ANO6: variants seen among roughly 807,000 people sequenced by gnomAD.
ANO6 encodes anoctamin-6.
ANO6 carries 106 observed loss-of-function variants against 117.5 expected under a neutral mutation model. The ratio of observed to expected loss-of-function variants is 0.90; its 90% CI spans 0.77 to 1.06. The LOEUF (loss-of-function observed/expected upper bound fraction) is 1.06. ANO6 is among the 50% of genes least tolerant of loss of function. The probability of loss-of-function intolerance (pLI) is 0.00; values close to 1 mark genes in which losing one functional copy is unlikely to be tolerated. For synonymous variants in ANO6, 367 were observed against 385.1 expected (o/e 0.95, Z 0.55); for missense variants, 955 against 1,121.1 (o/e 0.85, Z 2.12).
intron 1 of ANO6, among the ~76,000 whole-genome samples, chr12:45,260,771 GT>G (rs1224542356): frequency 6.6e-6 from 1 of 151,848 alleles, no homozygotes; most frequent in Non-Finnish European, 1.5e-5. Flanking sequence ...TGAGTTTTTA[GT>G]TTTATTTTTA....
chr12:45,346,656 G>T (rs1941141024), intron 3 of ANO6, among the ~76,000 whole-genome samples: 1 of 152,190 alleles, frequency 6.6e-6, no homozygotes, highest in South Asian at 2.1e-4. Flanking sequence ...TCGTATCAGT[G>T]AATAGGACTC....
chr12:45,412,188 G>T (rs1943104336), intron 16 of ANO6, among the ~76,000 whole-genome samples: 1 of 152,178 alleles, frequency 6.6e-6, no homozygotes, highest in Admixed American at 6.5e-5. Flanking sequence ...AATAAACGTA[G>T]TTGTCTGTAT....
chr12:45,306,837 G>T (rs571161383), intron 2 of ANO6, among the ~76,000 whole-genome samples: 2 of 151,784 alleles, frequency 1.3e-5, no homozygotes, highest in South Asian at 2.1e-4. Context: ...GTATGTGTTG[G>T]GGGGGTGGTG....
Position 45,326,175 on chromosome 12 carries a change from C to A in ANO6, c.151-5120C>A, listed in dbSNP as rs1254774640. Among the ~76,000 whole-genome samples the A allele has an allele frequency of 3.3e-5, 5 of 152,096 alleles. No individual in the cohort carries two copies. In the East Asian group the frequency reaches 9.7e-4, roughly 29 times the overall value. ...AGAGTTTAACACAGGCAAATGGAAA[C>A]AGAGGTAAAATCAGGAAGCCATTGA... On this transcript the variant is annotated intron_variant, in intron 2 of 19. Coordinates refer to ENST00000320560, the MANE Select transcript of ANO6 (RefSeq NM_001025356.3).
At chr12:45,323,935 A>ATTTTTTTT (rs761870704) in intron 2 of ANO6, among the ~76,000 whole-genome samples, 1 of 108,326 alleles carries the variant, frequency 9.2e-6, no homozygotes, top group African/African-American at 3.5e-5. Context: ...TTGTTGTTGT[A>ATTTTTTTT]TTTTTTTTTT....
chr12:45,377,708 C>G (rs1421520572), intron 9 of ANO6, among the ~76,000 whole-genome samples: 2 of 152,188 alleles, frequency 1.3e-5, no homozygotes, highest in Non-Finnish European at 2.9e-5. Context: ...ACTGCTTCCT[C>G]AAATCCATTA....
intron 2 of ANO6, among the ~76,000 whole-genome samples, chr12:45,319,740 C>G (rs1341587437): frequency 1.3e-5 from 2 of 152,172 alleles, no homozygotes; most frequent in African/African-American, 4.8e-5. Flanking sequence ...GTGAATCCAT[C>G]TGGTCCTGGA....
chr12:45,315,048 A>G (rs1386251478), intron 2 of ANO6, among the ~76,000 whole-genome samples: 4 of 152,016 alleles, frequency 2.6e-5, no homozygotes, highest in Admixed American at 6.6e-5. Context: ...GAAATGTTGG[A>G]CTAAAGAGTT....
chr12:45,280,315 A>G (rs1283027079), intron 1 of ANO6, among the ~76,000 whole-genome samples: 1 of 152,156 alleles, frequency 6.6e-6, no homozygotes, highest in Non-Finnish European at 1.5e-5. Flanking sequence ...TTTGATCAGT[A>G]ACCCAGTGTG....
Position 45,431,457 on chromosome 12 carries a change from G to C in ANO6, c.*2146G>C, listed in dbSNP as rs1565779728. On this transcript the variant is annotated 3_prime_UTR_variant, in exon 20 of 20. Transcript: ENST00000320560. Reference sequence around the variant, plus strand: ...CCTGTATGTATGATAGAACTTAAAAGAAATGTGCATTTGTTTTCATAGCCC... The same window carrying C: ...CCTGTATGTATGATAGAACTTAAAACAAATGTGCATTTGTTTTCATAGCCC... The C allele has an allele frequency of 1.0e-6, 1 of 985,236 alleles. No individual in the cohort carries two copies. The highest frequency in any genetic ancestry group is 1.7e-5 in the African/African-American group (1 of 57,224). 61.0% of individuals were successfully genotyped at this position (985,236 alleles called of 1,614,324 possible). A position where few individuals can be genotyped will look rare whatever the true frequency, so the allele number is the denominator to read the frequency against.
intron 16 of ANO6, among the ~76,000 whole-genome samples, chr12:45,409,770 T>C (rs1221280624): frequency 6.6e-6 from 1 of 152,232 alleles, no homozygotes; most frequent in Non-Finnish European, 1.5e-5. Context: ...TGTTTGTTTT[T>C]TTTGAGACAG....
intron 2 of ANO6, among the ~76,000 whole-genome samples, chr12:45,310,237 A>G (rs148344644): frequency 5.3e-5 from 8 of 152,256 alleles, no homozygotes; most frequent in African/African-American, 1.9e-4. Context: ...TCCCAGAGAA[A>G]CAGTCATAAA....
At chr12:45,305,459 T>A (rs190516922) in intron 2 of ANO6, among the ~76,000 whole-genome samples, 91 of 152,362 alleles carry the variant, frequency 6.0e-4, no homozygotes, top group African/African-American at 2.1e-3. Context: ...TTGATAAGCA[T>A]AACTAATCCA....
rs150189940 is a variant in ANO6 at position 45,387,829 on chromosome 12, G to T, written c.1166-332G>T. Among the ~76,000 whole-genome samples, 71 of 152,236 alleles carry T rather than the reference G, an allele frequency of 4.7e-4. 1 individual carries two copies. In the East Asian group the frequency reaches 9.3e-3, roughly 20 times the overall value. On this transcript the variant is annotated intron_variant, in intron 10 of 19. Transcript: ENST00000320560. Reference sequence around the variant, plus strand: ...CATGGGGTTGGATTTCCCCCATCCTGTTCTCATGATAGTGAGTGAGTTCTC... The same window carrying T: ...CATGGGGTTGGATTTCCCCCATCCTTTTCTCATGATAGTGAGTGAGTTCTC...
intron 1 of ANO6, among the ~76,000 whole-genome samples, chr12:45,280,430 A>G (rs958335274): frequency 5.3e-5 from 8 of 152,228 alleles, no homozygotes; most frequent in Non-Finnish European, 8.8e-5. Flanking sequence ...TGCCATGTAC[A>G]TGGGACCCAA....
chr12:45,372,809 A>G (rs183221777), intron 9 of ANO6, among the ~76,000 whole-genome samples: 3 of 152,348 alleles, frequency 2.0e-5, no homozygotes, highest in Admixed American at 2.0e-4. Context: ...TCAACTAAAG[A>G]GCAAAATCAC....
At chr12:45,220,324 G>T (rs776945901) in intron 1 of ANO6, among the ~76,000 whole-genome samples, 9 of 152,034 alleles carry the variant, frequency 5.9e-5, no homozygotes, top group Non-Finnish European at 1.3e-4. Flanking sequence ...GTCATTGAGG[G>T]GTAGACAGAG....
intron 1 of ANO6, chr12:45,228,180 G>A (rs1405128150): frequency 9.2e-6 from 4 of 436,354 alleles, no homozygotes; most frequent in Admixed American, 7.6e-5. Context: ...CTGAAGTGCA[G>A]TAGTGGAGTA....
At chr12:45,278,310 G>C (rs1247770944) in intron 1 of ANO6, among the ~76,000 whole-genome samples, 1 of 152,094 alleles carries the variant, frequency 6.6e-6, no homozygotes, top group Non-Finnish European at 1.5e-5. Context: ...TTTCAGTCGT[G>C]GGAGAAAGGT....
Sources: allele counts gnomAD v4.1 joint callset (sites outside exome capture counted in the v4.1 genomes callset), GRCh38; gene constraint gnomAD v4.1.1; transcripts MANE v1.5; gene names NCBI Gene and HGNC (gene_info 2026-07-23, HGNC 2026-07-21).